DNAH3: variants seen among roughly 807,000 people sequenced by gnomAD.
The protein encoded by DNAH3 is dynein axonemal heavy chain 3.
A neutral mutation model predicts 432.5 loss-of-function variants in DNAH3; 332 were observed. The ratio of observed to expected loss-of-function variants is 0.77; its 90% CI spans 0.70 to 0.84. The LOEUF (loss-of-function observed/expected upper bound fraction) is 0.84, where lower values mean the gene tolerates loss of function less well. Among genes scored for constraint, DNAH3 ranks in the 40% least tolerant of loss-of-function variants. The pLI is 0.00. For synonymous variants in DNAH3, 1,956 were observed against 1,900.2 expected (o/e 1.03, Z -0.76); for missense variants, 4,861 against 5,114.0 (o/e 0.95, Z 1.51).
chr16:20,957,740 G>C (rs1456760328), intron 54 of DNAH3, among the ~76,000 whole-genome samples: 1 of 141,792 alleles, frequency 7.1e-6, no homozygotes, highest in Non-Finnish European at 1.5e-5. Context: ...CCGGGAGGCA[G>C]AGGTCACAGT....
chr16:20,980,297 C>CATATATTATAATATAAATA (rs2085827228), intron 49 of DNAH3, among the ~76,000 whole-genome samples: 1 of 135,328 alleles, frequency 7.4e-6, no homozygotes, highest in South Asian at 2.2e-4. Flanking sequence ...TAATATACAT[C>CATATATTATAATATAAATA]ATATATTATA....
chr16:20,991,942 C>G (rs2086576811), intron 44 of DNAH3, among the ~76,000 whole-genome samples: 1 of 152,138 alleles, frequency 6.6e-6, no homozygotes, highest in Non-Finnish European at 1.5e-5. Context: ...TGAGTCACTT[C>G]TTTTTCATCT....
chr16:21,124,712 C>T (rs1265310005), intron 9 of DNAH3, among the ~76,000 whole-genome samples: 1 of 151,726 alleles, frequency 6.6e-6, no homozygotes, highest in African/African-American at 2.4e-5. Flanking sequence ...TGCAATGGCG[C>T]GATCTGGTCT....
At chr16:21,098,093 G>C (rs958299812) in intron 17 of DNAH3, among the ~76,000 whole-genome samples, 1 of 152,166 alleles carries the variant, frequency 6.6e-6, no homozygotes, top group Non-Finnish European at 1.5e-5. Context: ...TGGATGCTCA[G>C]TAACTAATAA....
chr16:21,079,970 C>A (rs9935770), intron 20 of DNAH3, among the ~76,000 whole-genome samples: 1 of 151,972 alleles, frequency 6.6e-6, no homozygotes, highest in Non-Finnish European at 1.5e-5. Flanking sequence ...GTATCAGAAT[C>A]GCCTGGAGCA....
chr16:21,140,617 T>G (rs369001117), exon 5 of DNAH3: 101 of 1,614,080 alleles, frequency 6.3e-5, no homozygotes, highest in Non-Finnish European at 8.4e-5. Flanking sequence ...GCTGCTGTTC[T>G]GGACTCATTG....
At chr16:21,145,185 T>C (rs2092767359) in exon 3 of DNAH3, 9 of 1,610,820 alleles carry the variant, frequency 5.6e-6, no homozygotes, top group East Asian at 2.2e-5. Context: ...AAGTACCTGA[T>C]GATGGCAGCC....
At chr16:20,969,468 C>T (rs1299376802) in intron 52 of DNAH3, among the ~76,000 whole-genome samples, 6 of 152,310 alleles carry the variant, frequency 3.9e-5, no homozygotes, top group Middle Eastern at 3.4e-3. Flanking sequence ...GTCACCCACA[C>T]GTGACTCTGT....
In DNAH3 at chr16:20,985,393, A is replaced by G. The variant is rs1195145914; in HGVS notation, c.7349T>C (p.Met2450Thr). ...AATCTGGTATAGCTCGTATGCGTTC[A>G]TGAATGTGGACAGTTTGGCGGCACT... Residue 2450 changes from methionine (M) to threonine (T), a missense_variant, in exon 48 of 62, where the codon ATG becomes ACG. Physicochemically the swap from Met to Thr is moderately conservative, Grantham distance 81. Transcript: ENST00000261383. The G allele has an allele frequency of 7.4e-6, 12 of 1,614,018 alleles. No individual in the cohort carries two copies. The Admixed American group carries it at 2.0e-4, about 27-fold the overall frequency.
At chr16:21,127,934 T>C in intron 7 of DNAH3, 122 bp from the exon 9 acceptor site, 1 of 1,205,546 alleles carries the variant, frequency 8.3e-7, no homozygotes, top group South Asian at 1.4e-5. Flanking sequence ...TCAAATGAAT[T>C]ACAGGATATG....
intron 33 of DNAH3, 72 bp from the exon 34 acceptor site, chr16:21,038,052 C>A (rs2089259703): frequency 2.2e-6 from 3 of 1,384,230 alleles, no homozygotes; most frequent in African/African-American, 1.4e-5. Context: ...TTCCCAATAT[C>A]CTTGTCCTTG....
chr16:21,041,919 C>A, intron 32 of DNAH3, 108 bp downstream of exon 32: 1 of 1,299,838 alleles, frequency 7.7e-7, no homozygotes, highest in Admixed American at 1.9e-5. Flanking sequence ...GTGATTTGCC[C>A]ACCTTGGCCT....
At chr16:21,113,992 A>T (rs552973340) in intron 12 of DNAH3, among the ~76,000 whole-genome samples, 1 of 152,188 alleles carries the variant, frequency 6.6e-6, no homozygotes, top group Non-Finnish European at 1.5e-5. Flanking sequence ...TTTCCTATAC[A>T]CATATATGTA....
At chr16:21,074,607 G>A (rs1187780855) in intron 21 of DNAH3, among the ~76,000 whole-genome samples, 4 of 152,028 alleles carry the variant, frequency 2.6e-5, no homozygotes, top group Non-Finnish European at 5.9e-5. Flanking sequence ...CCAGCTACTC[G>A]GGAGGCTGAG....
intron 23 of DNAH3, among the ~76,000 whole-genome samples, chr16:21,068,906 A>C (rs373921205): frequency 6.6e-6 from 1 of 151,464 alleles, no homozygotes; most frequent in African/African-American, 2.4e-5. Context: ...TCTATGTTAC[A>C]TATTTGTATT....
chr16:21,072,617 C>T (rs1488250322), intron 21 of DNAH3, among the ~76,000 whole-genome samples: 2 of 151,608 alleles, frequency 1.3e-5, no homozygotes, highest in African/African-American at 2.4e-5. Context: ...ATGACAGGCA[C>T]GAGCCACCAT....
At chr16:20,976,490 G>A (rs1330721690) in intron 50 of DNAH3, among the ~76,000 whole-genome samples, 4 of 152,210 alleles carry the variant, frequency 2.6e-5, no homozygotes, top group African/African-American at 4.8e-5. Context: ...ACTGTGCCCA[G>A]CCAAAATAAT....
At chr16:21,021,466 A>G (rs981682930) in intron 40 of DNAH3, among the ~76,000 whole-genome samples, 1 of 152,110 alleles carries the variant, frequency 6.6e-6, no homozygotes, top group African/African-American at 2.4e-5. Context: ...CTAGAATACC[A>G]CCCAAAAATC....
intron 42 of DNAH3, among the ~76,000 whole-genome samples, chr16:21,002,393 AT>A (rs1426992379): frequency 6.6e-6 from 1 of 152,100 alleles, no homozygotes; most frequent in Non-Finnish European, 1.5e-5. Context: ...GATTCAAAGA[AT>A]CCTTTTTTGC....
Sources: allele counts gnomAD v4.1 joint callset (sites outside exome capture counted in the v4.1 genomes callset), GRCh38; gene constraint gnomAD v4.1.1; transcripts MANE v1.5; gene names NCBI Gene and HGNC (gene_info 2026-07-23, HGNC 2026-07-21).